LRP1B: variants seen among roughly 807,000 people sequenced by gnomAD.
LRP1B encodes low-density lipoprotein receptor-related protein 1B.
In LRP1B, 217 loss-of-function variants were observed where a neutral mutation model predicts 556.6. The ratio of observed to expected loss-of-function variants is 0.39; its 90% CI spans 0.35 to 0.44. The LOEUF is 0.44. Ranked by LOEUF, LRP1B falls within the 20% of genes least tolerant of loss-of-function variation. The probability of loss-of-function intolerance (pLI) is 1.00; values close to 1 mark genes in which losing one functional copy is unlikely to be tolerated. For missense variants in LRP1B, 5,053 were observed against 5,620.8 expected, an observed-to-expected ratio of 0.90 and a Z score of 3.23; for synonymous variants, 2,047 against 1,865.8, an observed-to-expected ratio of 1.10 and a Z score of -2.50.
At chr2:141,150,647 T>C (rs13395073) in intron 7 of LRP1B, among the ~76,000 whole-genome samples, 2,358 of 152,246 alleles carry the variant, frequency 0.015, 60 homozygotes, top group African/African-American at 0.053. Context: ...TGAAAAAAAG[T>C]AATGAATTAT....
chr2:142,034,045 C>A (rs1352402889), intron 1 of LRP1B, among the ~76,000 whole-genome samples: 1 of 151,626 alleles, frequency 6.6e-6, no homozygotes, highest in Non-Finnish European at 1.5e-5. Context: ...TCATCTCCAC[C>A]TCATTTACAT....
At chr2:140,329,170 T>G (rs1680658139) in intron 79 of LRP1B, among the ~76,000 whole-genome samples, 1 of 152,028 alleles carries the variant, frequency 6.6e-6, no homozygotes, top group South Asian at 2.1e-4. Flanking sequence ...TACATACTCA[T>G]GGGTACCTCC....
At position 140,329,155 on chromosome 2, in the gene LRP1B, A is replaced by G. The variant is rs570253452; in HGVS notation, c.12224-3277T>C. On this transcript the variant is annotated intron_variant, in intron 79 of 90. Transcript: ENST00000389484. ...ATCCTTGTCTGACACACCATTCATT[A>G]ACCCTACATACTCATGGGTACCTCC... 2.0e-5 allele frequency among the ~76,000 whole-genome samples: 3 copies of G among 152,228 alleles called. No individual in the cohort carries two copies. The South Asian group carries it at 6.2e-4, about 32-fold the overall frequency.
intron 60 of LRP1B, among the ~76,000 whole-genome samples, chr2:140,462,469 T>C (rs749481730): frequency 9.9e-5 from 15 of 152,184 alleles, no homozygotes; most frequent in Non-Finnish European, 2.2e-4. Flanking sequence ...CTGAGGGGAA[T>C]AAAGCCATCC....
rs2105171380 is a variant in LRP1B at position 140,373,055 on chromosome 2, C to G, written c.10721G>C (p.Gly3574Ala). 6.2e-7 allele frequency: 1 copy of G among 1,613,454 alleles called. No homozygotes were observed. The highest frequency in any genetic ancestry group is 8.5e-7 in the Non-Finnish European group (1 of 1,179,604). The change falls in exon 69 of 91, where the codon GGC becomes GCC. Residue 3574 changes from glycine (G) to alanine (A), a missense_variant. This residue lies in a region of LRP1B where 599 missense variants were observed against 648.4 expected (regional missense o/e 0.92). Transcript: ENST00000389484. ...TTCCCCATATTTGCAGTCTTCATGG[C>G]CATCACATTTCCATTTTGCTGGTAT... ...QCIPAKWKCD[G>A]HEDCKYGEDE...
chr2:140,694,185 A>G (rs906309496), intron 41 of LRP1B, among the ~76,000 whole-genome samples: 5 of 152,248 alleles, frequency 3.3e-5, no homozygotes, highest in African/African-American at 1.2e-4. Context: ...GCTACAGTGT[A>G]AAATGTGAAA....
In LRP1B at chr2:141,365,655, C is replaced by CTTTTTTTTTTTTTTGGCTCTT. The variant is rs1553503422; in HGVS notation, c.344-111015_344-111014insAAGAGCCAAAAAAAAAAAAAA. 1.8e-3 allele frequency among the ~76,000 whole-genome samples: 223 copies of CTTTTTTTTTTTTTTGGCTCTT among 121,116 alleles called. 2 individuals carry two copies. The highest frequency in any genetic ancestry group is 6.7e-3 in the African/African-American group (211 of 31,726). 79.5% of individuals were successfully genotyped at this position (121,116 alleles called of 152,430 possible). ...TTTTTGTTTTGGTTTGTTTTTGTTGCTTTTTTTTTTTTTTTGAGACAGAGT... is the reference window on the plus strand; with the variant it reads ...TTTTTGTTTTGGTTTGTTTTTGTTGCTTTTTTTTTTTTTTGGCTCTTTTTTTTTTTTTTTTTGAGACAGAGT... On this transcript the variant is annotated intron_variant, in intron 3 of 90. Transcript: ENST00000389484.
At chr2:141,308,202 A>C (rs995045734) in intron 3 of LRP1B, among the ~76,000 whole-genome samples, 1 of 152,168 alleles carries the variant, frequency 6.6e-6, no homozygotes, top group African/African-American at 2.4e-5. Flanking sequence ...TAGGACTTTC[A>C]CCTGAGAAGA....
At chr2:140,664,511 T>C (rs1300149458) in intron 41 of LRP1B, among the ~76,000 whole-genome samples, 1 of 152,116 alleles carries the variant, frequency 6.6e-6, no homozygotes, top group African/African-American at 2.4e-5. Flanking sequence ...TGGAAAATAA[T>C]TTATTTTTTA....
intron 41 of LRP1B, among the ~76,000 whole-genome samples, chr2:140,654,454 TAA>T (rs540925328): frequency 4.3e-4 from 66 of 152,312 alleles, no homozygotes; most frequent in Admixed American, 4.3e-3. Flanking sequence ...TCAGTTATTT[TAA>T]AGACTGTCAG....
chr2:140,844,723 T>G (rs1268154183), intron 29 of LRP1B, among the ~76,000 whole-genome samples: 1 of 152,118 alleles, frequency 6.6e-6, no homozygotes, highest in African/African-American at 2.4e-5. Context: ...AATCATGAAG[T>G]ATAATCTGAA....
At chr2:141,784,991 A>G (rs1342106353) in intron 2 of LRP1B, among the ~76,000 whole-genome samples, 3 of 151,946 alleles carry the variant, frequency 2.0e-5, no homozygotes, top group Non-Finnish European at 4.4e-5. Context: ...TAAGAGATCA[A>G]ATAGGTGAGG....
intron 2 of LRP1B, among the ~76,000 whole-genome samples, chr2:141,599,773 AACT>A (rs35564071): frequency 0.29 from 44,544 of 151,926 alleles, 7,532 homozygotes; most frequent in Non-Finnish European, 0.38. Context: ...TCTCAAAAAC[AACT>A]AAGAAAAATT....
At chr2:140,953,208 A>T (rs111810849) in intron 18 of LRP1B, among the ~76,000 whole-genome samples, 28,286 of 152,046 alleles carry the variant, frequency 0.19, 3,312 homozygotes, top group African/African-American at 0.31. Context: ...CTCCTGCCTC[A>T]GCTTCCCAAG....
At chr2:140,436,306 G>A (rs192098949) in intron 66 of LRP1B, among the ~76,000 whole-genome samples, 1 of 152,144 alleles carries the variant, frequency 6.6e-6, no homozygotes, top group East Asian at 1.9e-4. Context: ...ATTTTTGAAA[G>A]CTTCCATTAA....
chr2:142,117,314 G>C (rs1707306624), intron 1 of LRP1B, among the ~76,000 whole-genome samples: 1 of 152,054 alleles, frequency 6.6e-6, no homozygotes, highest in Admixed American at 6.6e-5. Flanking sequence ...GTTTAGCAAG[G>C]GGGAGGAAGA....
At chr2:141,966,446 C>T (rs1437161778) in intron 1 of LRP1B, among the ~76,000 whole-genome samples, 2 of 151,832 alleles carry the variant, frequency 1.3e-5, no homozygotes, top group African/African-American at 2.4e-5. Flanking sequence ...GGCTAGTGTG[C>T]CCAGAACAGA....
At chr2:141,493,757 G>A (rs550907813) in intron 2 of LRP1B, among the ~76,000 whole-genome samples, 4 of 152,224 alleles carry the variant, frequency 2.6e-5, no homozygotes, top group East Asian at 1.9e-4. Flanking sequence ...TTTATTAACC[G>A]TTATGGCTGT....
At chr2:142,032,031 C>A (rs1397804810) in intron 1 of LRP1B, among the ~76,000 whole-genome samples, 1 of 151,862 alleles carries the variant, frequency 6.6e-6, no homozygotes, top group Non-Finnish European at 1.5e-5. Context: ...TCTGAGGGAG[C>A]ATGGCCCTGC....
Sources: gnomAD v4.1 joint callset for allele counts (sites outside exome capture counted in the v4.1 genomes callset) on GRCh38, gnomAD v4.1.1 for gene constraint, gnomAD v4.1.1 regional missense constraint, MANE v1.5 for transcripts, NCBI Gene and HGNC (gene_info 2026-07-23, HGNC 2026-07-21) for gene names.